TSPAN12: variants seen among roughly 807,000 people sequenced by gnomAD.
The protein encoded by TSPAN12 is tetraspanin-12.
Under a neutral mutation model 39.2 loss-of-function variants are expected in TSPAN12, and 19 were observed. The ratio of observed to expected loss-of-function variants is 0.49; its 90% CI spans 0.34 to 0.71. TSPAN12 has a LOEUF of 0.71. TSPAN12 is among the 30% of genes least tolerant of loss of function. The pLI is 0.01. For missense variants in TSPAN12, 314 were observed against 359.9 expected (o/e 0.87, Z 1.03); for synonymous variants, 119 against 124.8 (o/e 0.95, Z 0.31).
At chr7:120,795,649 A>C (rs1393371604) in intron 7 of TSPAN12, among the ~76,000 whole-genome samples, 1 of 152,222 alleles carries the variant, frequency 6.6e-6, no homozygotes, top group Non-Finnish European at 1.5e-5. Flanking sequence ...TTGTAAATAA[A>C]CATAACTCTC....
chr7:120,812,249 T>C (rs746189963), intron 5 of TSPAN12, among the ~76,000 whole-genome samples: 1 of 152,130 alleles, frequency 6.6e-6, no homozygotes, highest in African/African-American at 2.4e-5. Context: ...ATCTGGTCAG[T>C]ATATCAAGCT....
rs17142988 is a variant in TSPAN12 at position 120,827,993 on chromosome 7, G to C, written c.285+10784C>G. Among the ~76,000 whole-genome samples, 1,016 of 152,168 alleles carry C rather than the reference G, an allele frequency of 6.7e-3. 20 individuals carry two copies. The East Asian group carries it at 0.071, about 11-fold the overall frequency. On this transcript the variant is annotated intron_variant, in intron 4 of 7. Transcript: ENST00000222747. The stretch of plus-strand genomic sequence containing the variant: ...ATTTAGCTTAGTCAGTATATTTTTA[G>C]TATCAAATCTGAACTAAAGACATCT...
chr7:120,804,433 C>A (rs1793831197), intron 7 of TSPAN12, among the ~76,000 whole-genome samples: 1 of 152,124 alleles, frequency 6.6e-6, no homozygotes, highest in African/African-American at 2.4e-5. Flanking sequence ...GCCATAATCA[C>A]TGAAGAACCT....
intron 4 of TSPAN12, among the ~76,000 whole-genome samples, chr7:120,818,298 T>A (rs1794123340): frequency 6.6e-6 from 1 of 152,088 alleles, no homozygotes. Flanking sequence ...GCAAATCCAT[T>A]AGCAGGTGGC....
intron 4 of TSPAN12, among the ~76,000 whole-genome samples, chr7:120,828,023 T>C (rs545090789): frequency 2.0e-5 from 3 of 152,188 alleles, no homozygotes; most frequent in Non-Finnish European, 4.4e-5. Context: ...ACATCTAGAT[T>C]AATAGAATTT....
chr7:120,799,554 A>G (rs1396960293), intron 7 of TSPAN12, among the ~76,000 whole-genome samples: 1 of 112,102 alleles, frequency 8.9e-6, no homozygotes, highest in Admixed American at 1.1e-4. Flanking sequence ...TTATATATAT[A>G]ATTAAATATA....
Position 120,788,570 on chromosome 7 carries a change from T to G in TSPAN12, c.*22A>C. ...CAAGTCCAGTAAAACAAGTTTGTGG[T>G]TTTCTTCTGTGACATTTCTTTTTAT... On this transcript the variant is annotated 3_prime_UTR_variant, in exon 8 of 8. Coordinates refer to ENST00000222747, the MANE Select transcript of TSPAN12 (RefSeq NM_012338.4). 1 of 1,613,994 alleles carries G rather than the reference T, an allele frequency of 6.2e-7. No homozygotes were observed. Among genetic ancestry groups the G allele is most frequent in the Non-Finnish European group, 8.5e-7 (1 of 1,179,888 alleles).
At chr7:120,856,871 A>C in intron 1 of TSPAN12, 38 bp from the exon 2 acceptor site, 214 of 1,197,050 alleles carry the variant, frequency 1.8e-4, no homozygotes, top group Non-Finnish European at 2.5e-4. Context: ...GGGACATCTC[A>C]CCATCACGCT....
chr7:120,842,327 T>G (rs1297400639), intron 2 of TSPAN12, among the ~76,000 whole-genome samples: 2 of 152,000 alleles, frequency 1.3e-5, no homozygotes. Context: ...AATTACTATG[T>G]GCCTTGGACT....
rs1395346297 is a variant in TSPAN12, at chr7:120,856,692, A to C, written c.66+6T>G. 2 of 1,614,090 alleles carry C rather than the reference A, an allele frequency of 1.2e-6. No individual in the cohort carries two copies. The highest frequency in any genetic ancestry group is 2.7e-5 in the African/African-American group (2 of 74,948). ...CCCACCTGTTGGTGCAGTGAAACTT[A>C]CTTACCCAAAAGAGCAGATTGAGGG... On this transcript the variant is annotated splice_donor_region_variant and intron_variant, in intron 2 of 7. Coordinates refer to ENST00000222747, the MANE Select transcript of TSPAN12 (RefSeq NM_012338.4).
intron 4 of TSPAN12, among the ~76,000 whole-genome samples, chr7:120,821,858 C>T (rs887243147): frequency 1.3e-5 from 2 of 152,148 alleles, no homozygotes; most frequent in Non-Finnish European, 1.5e-5. Context: ...ATCAGTGTCA[C>T]CCCCACAAAA....
At chr7:120,856,666 T>C (rs2116520067) in intron 2 of TSPAN12, 32 bp downstream of exon 2, 1 of 1,612,944 alleles carries the variant, frequency 6.2e-7, no homozygotes, top group Non-Finnish European at 8.5e-7. Flanking sequence ...AGCCAGCCGT[T>C]CCCACCTGTT....
intron 2 of TSPAN12, among the ~76,000 whole-genome samples, chr7:120,850,691 GA>G (rs991197527): frequency 3.3e-5 from 5 of 151,474 alleles, no homozygotes; most frequent in Middle Eastern, 3.4e-3. Context: ...GAGACTAAAA[GA>G]TTTTTTTTTT....
At chr7:120,824,986 G>A (rs1315072562) in intron 4 of TSPAN12, among the ~76,000 whole-genome samples, 1 of 152,092 alleles carries the variant, frequency 6.6e-6, no homozygotes, top group East Asian at 1.9e-4. Flanking sequence ...TACAAAGAGA[G>A]GACTCTATGA....
intron 5 of TSPAN12, among the ~76,000 whole-genome samples, chr7:120,813,590 ATACTCTAAT>A (rs1176687317): frequency 1.3e-5 from 2 of 152,210 alleles, no homozygotes; most frequent in Non-Finnish European, 1.5e-5. Context: ...TATGGCATAT[ATACTCTAAT>A]GCCCATGTTT....
intron 2 of TSPAN12, among the ~76,000 whole-genome samples, chr7:120,850,754 A>AC (rs1794755774): frequency 1.3e-5 from 2 of 151,346 alleles, no homozygotes; most frequent in African/African-American, 4.9e-5. Context: ...CAGTGACACG[A>AC]TCTTGGCTCA....
chr7:120,837,880 C>T (rs767140816), intron 4 of TSPAN12, among the ~76,000 whole-genome samples: 55 of 152,148 alleles, frequency 3.6e-4, no homozygotes, highest in Admixed American at 6.5e-4. Flanking sequence ...TTAAAATTGA[C>T]CATGCTGGGA....
intron 4 of TSPAN12, among the ~76,000 whole-genome samples, chr7:120,823,431 A>C (rs952694287): frequency 6.6e-6 from 1 of 152,176 alleles, no homozygotes; most frequent in African/African-American, 2.4e-5. Flanking sequence ...AAATTGATGA[A>C]TTTCAAGAAA....
At chr7:120,846,093 G>A (rs1199190281) in intron 2 of TSPAN12, among the ~76,000 whole-genome samples, 3 of 152,160 alleles carry the variant, frequency 2.0e-5, no homozygotes, top group African/African-American at 7.2e-5. Flanking sequence ...CCTGGCCAGA[G>A]GAGGAGTAAG....
Sources: allele counts gnomAD v4.1 joint callset (sites outside exome capture counted in the v4.1 genomes callset), GRCh38; gene constraint gnomAD v4.1.1; transcripts MANE v1.5; gene names NCBI Gene and HGNC (gene_info 2026-07-23, HGNC 2026-07-21).